Variants in PPARGC1B observed in about 807,000 individuals in gnomAD.
PPARGC1B encodes peroxisome proliferator-activated receptor gamma coactivator 1-beta.
A neutral mutation model predicts 101.6 loss-of-function variants in PPARGC1B; 34 were observed. The observed-to-expected ratio is 0.33, with a 90% CI of 0.25 to 0.45. The LOEUF (loss-of-function observed/expected upper bound fraction) is 0.45. Ranked by LOEUF, PPARGC1B falls within the 20% of genes least tolerant of loss-of-function variation. PPARGC1B has a pLI of 1.00. For missense variants in PPARGC1B, 1,234 were observed against 1,317.6 expected (o/e 0.94, Z 0.98); for synonymous variants, 548 against 539.3 (o/e 1.02, Z -0.22).
At chr5:149,803,760 G>A (rs555530678) in intron 1 of PPARGC1B, among the ~76,000 whole-genome samples, 1 of 152,308 alleles carries the variant, frequency 6.6e-6, no homozygotes, top group African/African-American at 2.4e-5. Flanking sequence ...AGAAGGGAGT[G>A]TGGAAACGTG....
intron 1 of PPARGC1B, among the ~76,000 whole-genome samples, chr5:149,806,566 G>C (rs1283709578): frequency 6.6e-6 from 1 of 151,646 alleles, no homozygotes; most frequent in Admixed American, 6.6e-5. Context: ...AACACCTCCA[G>C]ATGGAGTGTG....
intron 1 of PPARGC1B, among the ~76,000 whole-genome samples, chr5:149,750,650 T>G (rs561408664): frequency 6.6e-6 from 1 of 152,022 alleles, no homozygotes; most frequent in East Asian, 1.9e-4. Flanking sequence ...GGCTCAACCA[T>G]GAGGTCTGTA....
rs754187688 is a variant in PPARGC1B at position 149,832,980 on chromosome 5, A to G, written c.907A>G (p.Lys303Glu). Residue 303 changes from lysine to glutamate, a missense_variant, in exon 5 of 12, where the codon AAG (lysine) becomes GAG (glutamate). Physicochemically the swap from Lys to Glu is moderately conservative, Grantham distance 56. Transcript: ENST00000309241. The surrounding 1 kb of genome is among the most constrained non-coding windows in gnomAD (Gnocchi z 4.9). ...YMHTYCLPQRKLPPQTPEPLP... is the reference protein window; with the variant it reads ...YMHTYCLPQRELPPQTPEPLP... ...GCACACCTACTGCCTCCCCCAGAGGAAGCTGCCCCCACAGACCCCTGAGCC... is the reference window on the plus strand; with the variant it reads ...GCACACCTACTGCCTCCCCCAGAGGGAGCTGCCCCCACAGACCCCTGAGCC... The G allele has an allele frequency of 6.2e-7, 1 of 1,613,338 alleles. No individual in the cohort carries two copies. The highest frequency in any genetic ancestry group is 8.5e-7 in the Non-Finnish European group (1 of 1,180,020).
At chr5:149,813,373 CCA>C (rs1268659315) in intron 1 of PPARGC1B, among the ~76,000 whole-genome samples, 1 of 152,176 alleles carries the variant, frequency 6.6e-6, no homozygotes, top group Non-Finnish European at 1.5e-5. Context: ...CGGGTGGAGC[CCA>C]GACTCCCCAC....
intron 1 of PPARGC1B, among the ~76,000 whole-genome samples, chr5:149,819,493 TG>T (rs1476468477): frequency 2.0e-5 from 3 of 147,450 alleles, no homozygotes; most frequent in Non-Finnish European, 3.0e-5. Flanking sequence ...TGTTTGTTTT[TG>T]TTTTTTTTTG....
chr5:149,841,599 C>T (rs866017546), intron 9 of PPARGC1B, among the ~76,000 whole-genome samples: 6 of 152,210 alleles, frequency 3.9e-5, no homozygotes, highest in Non-Finnish European at 8.8e-5. Flanking sequence ...TGCAGCTTCT[C>T]TCGCAGGTCA....
At chr5:149,802,616 T>G (rs537100420) in intron 1 of PPARGC1B, among the ~76,000 whole-genome samples, 1 of 151,138 alleles carries the variant, frequency 6.6e-6, no homozygotes, top group Admixed American at 6.6e-5. Context: ...GGCTAGGCTT[T>G]TGGCATACGT....
chr5:149,768,735 C>G (rs374717348), intron 1 of PPARGC1B, among the ~76,000 whole-genome samples: 32 of 152,196 alleles, frequency 2.1e-4, no homozygotes, highest in East Asian at 1.9e-3. Context: ...AGGCTGGTAT[C>G]AAACTCCTGA....
In PPARGC1B at chr5:149,848,392, G is replaced by A. The variant is rs888695607; in HGVS notation, c.*834G>A. The A allele has an allele frequency of 1.3e-5, 2 of 152,310 alleles. No homozygotes were observed. The highest frequency in any genetic ancestry group is 6.5e-5 in the Admixed American group (1 of 15,284). The allele number at this position is 152,310 out of a possible 1,614,324, so 9.4% of individuals were successfully genotyped here. A position where few individuals can be genotyped will look rare whatever the true frequency, so the allele number is the denominator to read the frequency against. On this transcript the variant is annotated 3_prime_UTR_variant, in exon 12 of 12. Coordinates refer to ENST00000309241, the MANE Select transcript of PPARGC1B (RefSeq NM_133263.4). ...GGAGGCTGGCAGCTCCTCAAGAGGC[G>A]AAATGACTGTGGGAGGTCCGGTTAC...
At chr5:149,846,260 G>A (rs1759552337) in intron 11 of PPARGC1B, 1 of 485,488 alleles carries the variant, frequency 2.1e-6, no homozygotes, top group Non-Finnish European at 3.6e-6. Flanking sequence ...CCCTTCAGGG[G>A]CATTCCGTGG....
At chr5:149,794,641 T>C (rs1316548187) in intron 1 of PPARGC1B, among the ~76,000 whole-genome samples, 1 of 152,232 alleles carries the variant, frequency 6.6e-6, no homozygotes, top group Non-Finnish European at 1.5e-5. Context: ...TCTGTGCCTG[T>C]TGCCTTTGAG....
intron 3 of PPARGC1B, among the ~76,000 whole-genome samples, chr5:149,827,791 T>A (rs1200246434): frequency 6.6e-6 from 1 of 152,196 alleles, no homozygotes; most frequent in Non-Finnish European, 1.5e-5. Flanking sequence ...TTATCAGATT[T>A]TCAAAGGAGT....
At chr5:149,839,685 G>A (rs866997051) in intron 8 of PPARGC1B, among the ~76,000 whole-genome samples, 1 of 152,012 alleles carries the variant, frequency 6.6e-6, no homozygotes, top group African/African-American at 2.4e-5. Context: ...AAACCTCATG[G>A]GGTTTAAAAA....
At chr5:149,802,265 G>C (rs976625871) in intron 1 of PPARGC1B, among the ~76,000 whole-genome samples, 1 of 152,166 alleles carries the variant, frequency 6.6e-6, no homozygotes, top group African/African-American at 2.4e-5. Flanking sequence ...CAGCCATGTG[G>C]CCCTCGCTCC....
chr5:149,799,191 A>G (rs975950261), intron 1 of PPARGC1B, among the ~76,000 whole-genome samples: 2 of 151,950 alleles, frequency 1.3e-5, no homozygotes, highest in Non-Finnish European at 2.9e-5. Context: ...TATTTCACAC[A>G]CCTCTATATT....
At chr5:149,840,012 G>A (rs1376732454) in intron 8 of PPARGC1B, 29 bp from the exon 9 acceptor site, 2 of 1,611,786 alleles carry the variant, frequency 1.2e-6, no homozygotes. Flanking sequence ...CCGAGAGTGA[G>A]TGCCTCTGCT....
At chr5:149,766,715 G>A (rs1289650818) in intron 1 of PPARGC1B, among the ~76,000 whole-genome samples, 1 of 152,208 alleles carries the variant, frequency 6.6e-6, no homozygotes, top group African/African-American at 2.4e-5. Flanking sequence ...GAGCACAATA[G>A]CACCCATCAT....
chr5:149,856,370 AAT>A, downstream of PPARGC1B, among the ~76,000 whole-genome samples: 1 of 152,150 alleles, frequency 6.6e-6, no homozygotes, highest in South Asian at 2.1e-4. Context: ...GTGTGATGAG[AAT>A]ATGTGTGTGA....
At chr5:149,735,684 C>A (rs960396480) in intron 1 of PPARGC1B, among the ~76,000 whole-genome samples, 1 of 152,202 alleles carries the variant, frequency 6.6e-6, no homozygotes, top group African/African-American at 2.4e-5. Flanking sequence ...GACTAATTAC[C>A]TTTGAGTAAG....
Sources: gnomAD v4.1 joint callset for allele counts (sites outside exome capture counted in the v4.1 genomes callset) on GRCh38, gnomAD v4.1.1 for gene constraint, Gnocchi (gnomAD v3.1) non-coding constraint, MANE v1.5 for transcripts, NCBI Gene and HGNC (gene_info 2026-07-23, HGNC 2026-07-21) for gene names.